Variants in PHACTR1 observed in about 807,000 individuals in gnomAD.
PHACTR1 encodes phosphatase and actin regulator 1.
PHACTR1 carries 16 observed loss-of-function variants against 69.2 expected under a neutral mutation model. That is an observed-to-expected ratio of 0.23 (90% CI 0.16 to 0.35). The LOEUF is 0.35. Ranked by LOEUF, PHACTR1 falls within the 10% of genes least tolerant of loss-of-function variation. The probability of loss-of-function intolerance (pLI) is 1.00; values close to 1 mark genes in which losing one functional copy is unlikely to be tolerated. For missense variants in PHACTR1, 510 were observed against 734.7 expected (o/e 0.69, Z 3.54); for synonymous variants, 312 against 284.5 (o/e 1.10, Z -0.97).
At chr6:13,182,129 A>T (rs1762253383) in intron 6 of PHACTR1, among the ~76,000 whole-genome samples, 3 of 152,160 alleles carry the variant, frequency 2.0e-5, no homozygotes, top group African/African-American at 7.2e-5. Context: ...GCTACTCAGG[A>T]GGCTGAGGCA....
intron 4 of PHACTR1, among the ~76,000 whole-genome samples, chr6:12,814,371 C>T (rs1178182578): frequency 1.3e-5 from 2 of 152,216 alleles, no homozygotes; most frequent in African/African-American, 4.8e-5. Context: ...AAGAAGTAAA[C>T]AAAGACATTT....
intron 3 of PHACTR1, among the ~76,000 whole-genome samples, chr6:12,742,086 G>A (rs1228594716): frequency 6.6e-6 from 1 of 151,978 alleles, no homozygotes; most frequent in East Asian, 1.9e-4. Context: ...GATTTGGGGG[G>A]GATTTTTTGT....
At chr6:13,102,399 T>G (rs1815319134) in intron 5 of PHACTR1, among the ~76,000 whole-genome samples, 1 of 152,220 alleles carries the variant, frequency 6.6e-6, no homozygotes, top group Non-Finnish European at 1.5e-5. Context: ...TTCTGAAATT[T>G]GGAATATTTT....
chr6:12,731,995 T>C (rs999303014), intron 3 of PHACTR1, among the ~76,000 whole-genome samples: 4 of 151,848 alleles, frequency 2.6e-5, no homozygotes, highest in African/African-American at 9.7e-5. Context: ...TTTTTTTATT[T>C]GGGAAACTAT....
intron 5 of PHACTR1, among the ~76,000 whole-genome samples, chr6:13,141,738 T>TC (rs1339566057): frequency 6.6e-6 from 1 of 150,942 alleles, no homozygotes; most frequent in East Asian, 1.9e-4. Context: ...TTTTTTTTTT[T>TC]TTTTTGTTGT....
In PHACTR1 at chr6:13,027,132, AGTGG is replaced by A. The variant is rs551652973; in HGVS notation, c.251-26227_251-26224del. ...AGAGAGGATTAGGGACTGGTTGGGA[AGTGG>A]GTGGGGAGAAAGAGGGTACCGGGTA... On this transcript the variant is annotated intron_variant, in intron 4 of 14. Coordinates refer to ENST00000332995, the MANE Select transcript of PHACTR1 (RefSeq NM_030948.6). Among the ~76,000 whole-genome samples, 74 of 152,076 alleles carry A rather than the reference AGTGG, an allele frequency of 4.9e-4. No individual in the cohort carries two copies. The South Asian group carries it at 7.5e-3, about 15-fold the overall frequency.
At chr6:13,012,088 G>A (rs568443772) in intron 4 of PHACTR1, among the ~76,000 whole-genome samples, 27 of 152,342 alleles carry the variant, frequency 1.8e-4, no homozygotes, top group Middle Eastern at 3.4e-3. Context: ...ACAGAGACCT[G>A]CATTCTACAT....
intron 4 of PHACTR1, among the ~76,000 whole-genome samples, chr6:12,902,135 G>A (rs1006073314): frequency 2.0e-5 from 3 of 152,086 alleles, no homozygotes; most frequent in African/African-American, 4.8e-5. Context: ...TTAAGAACCT[G>A]CTATAGGCCA....
chr6:13,092,324 A>G (rs116215456), intron 5 of PHACTR1, among the ~76,000 whole-genome samples: 2,453 of 152,222 alleles, frequency 0.016, 54 homozygotes, highest in African/African-American at 0.053. Flanking sequence ...TTTTGTATAC[A>G]ATTTGTTCTT....
chr6:13,249,842 ATTT>A (rs1429818630), intron 10 of PHACTR1, among the ~76,000 whole-genome samples: 1 of 151,220 alleles, frequency 6.6e-6, no homozygotes, highest in Non-Finnish European at 1.5e-5. Context: ...AGAATCACCT[ATTT>A]CATTTTTCAT....
chr6:12,917,501 C>T (rs1034346174), intron 4 of PHACTR1, among the ~76,000 whole-genome samples: 3 of 152,096 alleles, frequency 2.0e-5, no homozygotes, highest in African/African-American at 7.2e-5. Context: ...ACCTATAATC[C>T]CAGTGCTTTG....
chr6:12,802,660 A>G lies in PHACTR1; in HGVS notation c.250+52870A>G, dbSNP rs139921439. Among the ~76,000 whole-genome samples, 379 of 152,296 alleles carry G rather than the reference A, an allele frequency of 2.5e-3. 2 individuals are homozygous for G. The highest frequency in any genetic ancestry group is 8.7e-3 in the African/African-American group (363 of 41,556). On this transcript the variant is annotated intron_variant, in intron 4 of 14. Transcript: ENST00000332995. ...CTATGACGCAATGCTTTTTTATCCC[A>G]TCAAGTACAAGATACATTCTGATTT...
chr6:13,126,782 GT>G (rs1238104957), intron 5 of PHACTR1, among the ~76,000 whole-genome samples: 2 of 152,204 alleles, frequency 1.3e-5, no homozygotes, highest in African/African-American at 4.8e-5. Context: ...TTAGTAAATG[GT>G]AGATATGGAA....
At chr6:13,239,626 T>TG (rs912059916) in intron 10 of PHACTR1, among the ~76,000 whole-genome samples, 4 of 152,374 alleles carry the variant, frequency 2.6e-5, no homozygotes, top group African/African-American at 9.6e-5. Flanking sequence ...GTAGAGGTTC[T>TG]GGCATTGAGC....
chr6:12,941,749 C>A (rs770340815), intron 4 of PHACTR1, among the ~76,000 whole-genome samples: 6 of 152,128 alleles, frequency 3.9e-5, no homozygotes, highest in Non-Finnish European at 5.9e-5. Flanking sequence ...GAGCCCAGGG[C>A]AGATTCTCAG....
At position 13,241,164 on chromosome 6, in the gene PHACTR1, T is replaced by C. The variant is rs548100622; in HGVS notation, c.1391+10971T>C. Among the ~76,000 whole-genome samples the C allele has an allele frequency of 5.9e-5, 9 of 152,268 alleles. No individual in the cohort carries two copies. In the South Asian group the frequency reaches 1.9e-3, roughly 32 times the overall value. ...GGCAGTGGGTCAAGCTATGTGCAAA[T>C]GTACTCAAGGGAGAGATAAGGCATG... On this transcript the variant is annotated intron_variant, in intron 10 of 14. Coordinates refer to ENST00000332995, the MANE Select transcript of PHACTR1 (RefSeq NM_030948.6).
intron 3 of PHACTR1, among the ~76,000 whole-genome samples, chr6:12,727,362 C>T (rs114166625): frequency 0.032 from 4,832 of 152,218 alleles, 237 homozygotes; most frequent in African/African-American, 0.11. Context: ...GACAATTCTC[C>T]GTAGGCAAAG....
intron 13 of PHACTR1, among the ~76,000 whole-genome samples, chr6:13,284,862 G>A (rs1041981240): frequency 2.0e-5 from 3 of 152,128 alleles, no homozygotes; most frequent in Non-Finnish European, 2.9e-5. Flanking sequence ...TTCCAGAGAC[G>A]ACCTCGCCTG....
At chr6:12,979,729 CA>C (rs761107919) in intron 4 of PHACTR1, among the ~76,000 whole-genome samples, 509 of 127,718 alleles carry the variant, frequency 4.0e-3, no homozygotes, top group African/African-American at 5.7e-3. Context: ...CCCCCTCCTC[CA>C]AAAAAAAAAA....
Sources: allele counts gnomAD v4.1 joint callset (sites outside exome capture counted in the v4.1 genomes callset), GRCh38; gene constraint gnomAD v4.1.1; transcripts MANE v1.5; gene names NCBI Gene and HGNC (gene_info 2026-07-23, HGNC 2026-07-21).